Variants in NAF1 observed in about 807,000 individuals in gnomAD.
NAF1 encodes H/ACA ribonucleoprotein complex non-core subunit NAF1.
Under a neutral mutation model 40.6 loss-of-function variants are expected in NAF1, and 11 were observed. The ratio of observed to expected loss-of-function variants is 0.27; its 90% CI spans 0.17 to 0.45. NAF1 has a LOEUF of 0.45. Ranked by LOEUF, NAF1 falls within the 20% of genes least tolerant of loss-of-function variation. NAF1 has a pLI of 1.00. For missense variants in NAF1, 607 were observed against 611.1 expected (o/e 0.99, Z 0.07); for synonymous variants, 260 against 228.5 (o/e 1.14, Z -1.24).
chr4:163,117,680 T>TACACAC (rs55869899), intron 2 of NAF1, among the ~76,000 whole-genome samples: 7,542 of 134,830 alleles, frequency 0.056, 284 homozygotes, highest in South Asian at 0.077. Context: ...CTGGAAGCAA[T>TACACAC]ACACACACAC....
chr4:163,164,277 T>C lies in NAF1; in HGVS notation c.480A>G (p.Leu160=), dbSNP rs1207628457. 6.3e-7 allele frequency: 1 copy of C among 1,587,408 alleles called. No homozygotes were observed. Among genetic ancestry groups the C allele is most frequent in the Non-Finnish European group, 8.5e-7 (1 of 1,170,646 alleles). ...PPVLSDGDDD[L]QIEKENKNFP... Reference sequence around the variant, plus strand: ...AATTCTTATTTTCCTTCTCAATTTGTAAATCATCATCTCCATCTGACAGCA... The same window carrying C: ...AATTCTTATTTTCCTTCTCAATTTGCAAATCATCATCTCCATCTGACAGCA... The change falls in exon 2 of 8, where the codon TTA becomes TTG. Residue 160 remains leucine (L), a synonymous_variant. Coordinates refer to ENST00000274054, the MANE Select transcript of NAF1 (RefSeq NM_138386.3).
chr4:163,163,283 G>GA (rs1389173044), intron 2 of NAF1, among the ~76,000 whole-genome samples: 1 of 152,076 alleles, frequency 6.6e-6, no homozygotes, highest in Non-Finnish European at 1.5e-5. Context: ...AGCGAGACGA[G>GA]AATTTCTTGT....
rs1362228123 is a variant in NAF1 at position 163,164,398 on chromosome 4, G to A, written c.366-7C>T. The A allele has an allele frequency of 6.6e-7, 1 of 1,518,088 alleles. No homozygotes were observed. The highest frequency in any genetic ancestry group is 8.8e-7 in the Non-Finnish European group (1 of 1,136,370). 94.0% of individuals were successfully genotyped at this position (1,518,088 alleles called of 1,614,324 possible). ...ACTATCTGAATCTGTTTCACTGTAGGGAAGAAAACAGTTAAAAAAATAGTC... is the reference window on the plus strand; with the variant it reads ...ACTATCTGAATCTGTTTCACTGTAGAGAAGAAAACAGTTAAAAAAATAGTC... On this transcript the variant is annotated splice_polypyrimidine_tract_variant and splice_region_variant and intron_variant, in intron 1 of 7. Coordinates refer to ENST00000274054, the MANE Select transcript of NAF1 (RefSeq NM_138386.3).
intron 6 of NAF1, among the ~76,000 whole-genome samples, chr4:163,133,819 G>C (rs6829366): frequency 6.6e-6 from 1 of 152,010 alleles, no homozygotes; most frequent in Non-Finnish European, 1.5e-5. Flanking sequence ...AAGCTTTTTT[G>C]TGTGTGTGTG....
At chr4:163,133,316 A>G (rs781342331) in intron 6 of NAF1, 60 bp from the exon 7 acceptor site, 71 of 1,330,752 alleles carry the variant, frequency 5.3e-5, no homozygotes, top group Middle Eastern at 1.9e-4. Flanking sequence ...TCAATAGTAC[A>G]TACTTGGAGG....
chr4:163,145,955 A>C, intron 3 of NAF1, 91 bp from the exon 4 acceptor site: 1 of 699,366 alleles, frequency 1.4e-6, no homozygotes, highest in Non-Finnish European at 2.3e-6. Flanking sequence ...ACATAATTTA[A>C]AAAAAAATTG....
downstream of NAF1, among the ~76,000 whole-genome samples, chr4:163,106,992 C>CT (rs1013843347): frequency 0.032 from 4,738 of 145,948 alleles, 94 homozygotes; most frequent in Non-Finnish European, 0.034. Flanking sequence ...TTGAGGCTTT[C>CT]TTTTTTTTTT....
chr4:163,137,707 C>T lies in NAF1; in HGVS notation c.879-457G>A, dbSNP rs75207753. ...AGATATCAATATGAATTATTTTCTC[C>T]TCAGTTTACCTGAGGAATGTCAGCA... is the stretch of plus-strand genomic sequence containing the variant. On this transcript the variant is annotated intron_variant, in intron 5 of 7. Transcript: ENST00000274054. Among the ~76,000 whole-genome samples the T allele has an allele frequency of 4.6e-3, 699 of 152,222 alleles. 8 individuals are homozygous for T. The highest frequency in any genetic ancestry group is 0.015 in the African/African-American group (632 of 41,558).
At chr4:163,120,075 A>G (rs931907508) in intron 2 of NAF1, 1 of 152,274 alleles carries the variant, frequency 6.6e-6, no homozygotes, top group Non-Finnish European at 1.5e-5. Flanking sequence ...ACAGTGCCAA[A>G]TCATGTCTGA....
chr4:163,137,100 C>A, intron 6 of NAF1, 99 bp downstream of exon 6: 1 of 1,325,538 alleles, frequency 7.5e-7, no homozygotes, highest in East Asian at 2.5e-5. Flanking sequence ...TGGCTGCTAG[C>A]CAGTATTAAT....
intron 2 of NAF1, among the ~76,000 whole-genome samples, chr4:163,163,169 G>C (rs1732295956): frequency 6.6e-6 from 1 of 152,148 alleles, no homozygotes; most frequent in African/African-American, 2.4e-5. Flanking sequence ...GGGAGCCTTT[G>C]TGTACAAAGA....
intron 2 of NAF1, among the ~76,000 whole-genome samples, chr4:163,149,198 A>G (rs180726771): frequency 1.2e-4 from 19 of 152,288 alleles, no homozygotes; most frequent in Middle Eastern, 6.8e-3. Context: ...TTAGATTAAA[A>G]ACACAGCTTT....
chr4:163,151,632 G>A (rs1731712485), intron 2 of NAF1, among the ~76,000 whole-genome samples: 1 of 152,068 alleles, frequency 6.6e-6, no homozygotes, highest in Admixed American at 6.5e-5. Context: ...AACAACTGTG[G>A]TTTTCATAAA....
intron 2 of NAF1, among the ~76,000 whole-genome samples, chr4:163,115,460 T>A (rs908499428): frequency 6.6e-6 from 1 of 152,172 alleles, no homozygotes; most frequent in Non-Finnish European, 1.5e-5. Context: ...CCTCCCAAAG[T>A]GCTGGGATTA....
At chr4:163,157,495 TAC>T (rs1426567840) in intron 2 of NAF1, 1 of 152,010 alleles carries the variant, frequency 6.6e-6, no homozygotes, top group East Asian at 1.9e-4. Flanking sequence ...TCTAAACAGT[TAC>T]ACAAATGGCT....
chr4:163,142,523 GGA>G (rs1187856276), intron 4 of NAF1, among the ~76,000 whole-genome samples: 4 of 152,070 alleles, frequency 2.6e-5, no homozygotes, highest in Admixed American at 6.6e-5. Flanking sequence ...CAAAATTCTT[GGA>G]CAAAAGCAAA....
chr4:163,123,193 AAG>A (rs1475789011), downstream of NAF1, among the ~76,000 whole-genome samples: 15 of 152,178 alleles, frequency 9.9e-5, no homozygotes, highest in African/African-American at 3.6e-4. Flanking sequence ...GAGTGTGAGC[AAG>A]AGAGGTGCCA....
At chr4:163,152,432 T>A (rs748424694) in intron 2 of NAF1, among the ~76,000 whole-genome samples, 47 of 152,274 alleles carry the variant, frequency 3.1e-4, no homozygotes, top group Admixed American at 7.8e-4. Flanking sequence ...AGCCAGATTA[T>A]TTGTAGTGAG....
chr4:163,150,473 A>G (rs1731655263), intron 2 of NAF1, among the ~76,000 whole-genome samples: 1 of 152,204 alleles, frequency 6.6e-6, no homozygotes, highest in Non-Finnish European at 1.5e-5. Flanking sequence ...TAAAATATCC[A>G]TATTTTAATA....
Sources: gnomAD v4.1 joint callset for allele counts (sites outside exome capture counted in the v4.1 genomes callset) on GRCh38, gnomAD v4.1.1 for gene constraint, MANE v1.5 for transcripts, NCBI Gene and HGNC (gene_info 2026-07-23, HGNC 2026-07-21) for gene names.